TMC5: variants seen among roughly 807,000 people sequenced by gnomAD.
TMC5 encodes transmembrane channel like 5.
Under a neutral mutation model 110.5 loss-of-function variants are expected in TMC5, and 86 were observed. The observed-to-expected ratio is 0.78, with a 90% CI of 0.65 to 0.93. The LOEUF is 0.93. Ranked by LOEUF, TMC5 falls within the 40% of genes least tolerant of loss-of-function variation. The pLI is 0.00. For missense variants in TMC5, 1,144 were observed against 1,222.8 expected, an observed-to-expected ratio of 0.94 and a Z score of 0.96; for synonymous variants, 455 against 439.5, an observed-to-expected ratio of 1.04 and a Z score of -0.44.
At chr16:19,496,373 T>C (rs1362987705) in intron 20 of TMC5, among the ~76,000 whole-genome samples, 8 of 152,036 alleles carry the variant, frequency 5.3e-5, no homozygotes, top group Non-Finnish European at 8.8e-5. Context: ...GAACAGTAAA[T>C]CCACCTTAAC....
intron 7 of TMC5, 40 bp downstream of exon 7, chr16:19,463,407 G>A: frequency 6.8e-7 from 1 of 1,479,178 alleles, no homozygotes; most frequent in Non-Finnish European, 9.5e-7. Context: ...GGTGAAAACA[G>A]GGAGGGAGGA....
chr16:19,427,939 C>T (rs941071450), intron 1 of TMC5, among the ~76,000 whole-genome samples: 10 of 152,212 alleles, frequency 6.6e-5, no homozygotes, highest in Admixed American at 5.2e-4. Flanking sequence ...CATTGTACTG[C>T]GATTCAATTG....
In TMC5 at chr16:19,492,185, G is replaced by T. The variant is rs1339755783; in HGVS notation, c.2783G>T (p.Gly928Val). Residue 928 changes from glycine (G) to valine (V), a missense_variant, in exon 19 of 22, where the codon GGA (glycine) becomes GTA (valine). Coordinates refer to ENST00000542583, the MANE Select transcript of TMC5 (RefSeq NM_001261841.2). Reference sequence around the variant, plus strand: ...TATCTTTACTGGCAGATCACAGAGGGAAGGAAGATTATGATAAGGCTGCTC... The same window carrying T: ...TATCTTTACTGGCAGATCACAGAGGTAAGGAAGATTATGATAAGGCTGCTC... ...ITYLYWQITE[G>V]RKIMIRLLHE... is the part of the protein sequence containing the mutation. 1.2e-5 allele frequency: 19 copies of T among 1,613,622 alleles called. No homozygotes were observed. Among genetic ancestry groups the T allele is most frequent in the Non-Finnish European group, 1.6e-5 (19 of 1,179,784 alleles).
chr16:19,412,723 C>T (rs566793362), intron 1 of TMC5, among the ~76,000 whole-genome samples: 1 of 152,320 alleles, frequency 6.6e-6, no homozygotes, highest in Non-Finnish European at 1.5e-5. Context: ...GTGCCTGGCA[C>T]TTAGTAGGTG....
intron 2 of TMC5, among the ~76,000 whole-genome samples, chr16:19,434,060 A>G (rs1189730660): frequency 5.4e-5 from 1 of 18,590 alleles, no homozygotes; most frequent in East Asian, 1.4e-3. Context: ...ATATAATATA[A>G]ATCTATATAT....
In TMC5 at chr16:19,498,184, G is replaced by C; in HGVS notation, c.*218G>C. 1.8e-6 allele frequency: 1 copy of C among 550,170 alleles called. No homozygotes were observed. Among genetic ancestry groups the C allele is most frequent in the South Asian group, 2.2e-5 (1 of 45,450 alleles). The allele number at this position is 550,170 out of a possible 1,614,324, so 34.1% of individuals were successfully genotyped here. A position where few individuals can be genotyped will look rare whatever the true frequency, so the allele number is the denominator to read the frequency against. The stretch of plus-strand genomic sequence containing the variant: ...GCTGATTTTTCAAGACAAAATACTT[G>C]GGGTTTTCCAATAAAGATTGTTGTA... On this transcript the variant is annotated 3_prime_UTR_variant, in exon 22 of 22. Transcript: ENST00000542583.
In TMC5 at chr16:19,440,744, A is replaced by G. The variant is rs1967467738; in HGVS notation, c.706A>G (p.Ser236Gly). ...TGCTGAGGACAATCAGAACTTGCCA[A>G]GCACTTGGAGAGAACCTGATTATTC... ...PSAEDNQNLP[S>G]TWREPDYSDA... The change falls in exon 3 of 22, where the codon AGC (serine) becomes GGC (glycine). Residue 236 changes from serine (S) to glycine (G), a missense_variant. By Grantham distance (56) the Ser-to-Gly change is moderately conservative (BLOSUM62 0). Coordinates refer to ENST00000542583, the MANE Select transcript of TMC5 (RefSeq NM_001261841.2). 2 of 1,614,180 alleles carry G rather than the reference A, an allele frequency of 1.2e-6. No homozygotes were observed. Among genetic ancestry groups the G allele is most frequent in the Non-Finnish European group, 1.7e-6 (2 of 1,180,038 alleles).
intron 6 of TMC5, among the ~76,000 whole-genome samples, chr16:19,463,021 C>A (rs112378903): frequency 6.6e-6 from 1 of 152,096 alleles, no homozygotes; most frequent in African/African-American, 2.4e-5. Flanking sequence ...GTAATCCCCC[C>A]ACCACAGCCT....
chr16:19,473,026 C>G (rs1968383361), intron 11 of TMC5, among the ~76,000 whole-genome samples: 1 of 151,970 alleles, frequency 6.6e-6, no homozygotes, highest in African/African-American at 2.4e-5. Flanking sequence ...CCTGGAGGCC[C>G]AGTGCCTCTC....
intron 15 of TMC5, 40 bp downstream of exon 15, chr16:19,481,505 C>T (rs1219120898): frequency 2.1e-6 from 3 of 1,433,304 alleles, no homozygotes; most frequent in African/African-American, 1.4e-5. Context: ...GTGGTTCCCA[C>T]ATGACTGTGG....
In TMC5 at chr16:19,466,537, A is replaced by G. The variant is rs62026173; in HGVS notation, c.1637+304A>G. ...CCGCTAATGTTTGTATTTTTAATAG[A>G]GATGGGGTTTGACCATGTTGGCCAG... On this transcript the variant is annotated intron_variant, in intron 9 of 21. Transcript: ENST00000542583. 6.4e-3 allele frequency among the ~76,000 whole-genome samples: 974 copies of G among 152,224 alleles called. 7 individuals carry two copies. The highest frequency in any genetic ancestry group is 0.01 in the Middle Eastern group (3 of 294).
chr16:19,419,419 T>TG (rs1966931440), intron 1 of TMC5, among the ~76,000 whole-genome samples: 1 of 134,826 alleles, frequency 7.4e-6, no homozygotes, highest in African/African-American at 2.8e-5. Flanking sequence ...TTTTTTTTTT[T>TG]TTTTTTTTTT....
At chr16:19,495,809 A>T (rs1263239090) in intron 20 of TMC5, among the ~76,000 whole-genome samples, 1 of 151,900 alleles carries the variant, frequency 6.6e-6, no homozygotes, top group Non-Finnish European at 1.5e-5. Flanking sequence ...ACCGCACTCC[A>T]GCTTGGGAGA....
chr16:19,484,715 C>T (rs1968695159), intron 15 of TMC5, among the ~76,000 whole-genome samples: 1 of 149,576 alleles, frequency 6.7e-6, no homozygotes, highest in Non-Finnish European at 1.5e-5. Context: ...GAGCCGAGAT[C>T]ATGCCACTGG....
chr16:19,457,614 G>A (rs550779421), intron 5 of TMC5, among the ~76,000 whole-genome samples: 6 of 146,208 alleles, frequency 4.1e-5, no homozygotes, highest in Admixed American at 1.4e-4. Context: ...TGGCATTTCC[G>A]TTTGCTTGAT....
chr16:19,461,973 G>A (rs1449189241), intron 6 of TMC5, among the ~76,000 whole-genome samples: 1 of 152,090 alleles, frequency 6.6e-6, no homozygotes, highest in Non-Finnish European at 1.5e-5. Flanking sequence ...GGAGAGAGGG[G>A]GCATTTGAGC....
intron 8 of TMC5, among the ~76,000 whole-genome samples, chr16:19,464,896 A>C (rs1555483883): frequency 6.6e-6 from 1 of 151,796 alleles, no homozygotes; most frequent in Non-Finnish European, 1.5e-5. Flanking sequence ...TAAAAAAAAA[A>C]CCAAATAGAT....
At chr16:19,418,581 A>G (rs189416478) in intron 1 of TMC5, among the ~76,000 whole-genome samples, 40 of 152,078 alleles carry the variant, frequency 2.6e-4, no homozygotes, top group Admixed American at 2.2e-3. Context: ...GTCTCTCCCA[A>G]TGGTATTTCA....
At chr16:19,466,347 C>CT (rs1968189335) in intron 9 of TMC5, 114 bp downstream of exon 9, 1 of 1,087,704 alleles carries the variant, frequency 9.2e-7, no homozygotes, top group African/African-American at 1.6e-5. Flanking sequence ...CTCCTCTCCT[C>CT]TCCTCTCTTT....
Sources: allele counts gnomAD v4.1 joint callset (sites outside exome capture counted in the v4.1 genomes callset), GRCh38; gene constraint gnomAD v4.1.1; transcripts MANE v1.5; gene names NCBI Gene and HGNC (gene_info 2026-07-23, HGNC 2026-07-21).